The following CHLSN variants were observed in gnomAD, a reference collection of about 807,000 sequenced individuals.
The protein encoded by CHLSN is protein cholesin.
chr7:1,028,122 CG>C, the CHLSN span: 5 of 504,888 alleles, frequency 9.9e-6, no homozygotes, highest in Non-Finnish European at 1.3e-5. Context: ...CAGGGCGGAG[CG>C]GGGCCCGCAG....
chr7:1,131,077 G>C, the CHLSN span, among the ~76,000 whole-genome samples: 1 of 151,776 alleles, frequency 6.6e-6, no homozygotes, highest in Non-Finnish European at 1.5e-5. Flanking sequence ...TGTGGTCCCA[G>C]CTACTCAGGA....
chr7:1,078,271 T>C, the CHLSN span, among the ~76,000 whole-genome samples: 1 of 151,872 alleles, frequency 6.6e-6, no homozygotes, highest in African/African-American at 2.4e-5. Context: ...GGGTGCCCTA[T>C]AGTGGGCACG....
chr7:1,070,247 G>T, the CHLSN span, among the ~76,000 whole-genome samples: 78 of 140,330 alleles, frequency 5.6e-4, no homozygotes, highest in South Asian at 9.2e-4. Flanking sequence ...ACCCCGTCCG[G>T]GAGGGAGGTG....
At chr7:1,111,932 C>T in the CHLSN span, among the ~76,000 whole-genome samples, 1 of 152,306 alleles carries the variant, frequency 6.6e-6, no homozygotes, top group East Asian at 1.9e-4. Flanking sequence ...ACGTTAACCA[C>T]GGCGTCATTT....
the CHLSN span, among the ~76,000 whole-genome samples, chr7:1,030,211 C>T: frequency 2.6e-5 from 4 of 152,212 alleles, no homozygotes; most frequent in Middle Eastern, 6.8e-3. Flanking sequence ...TCTTCCCGAA[C>T]GCAACGACCC....
the CHLSN span, chr7:987,038 T>C: frequency 1.4e-6 from 2 of 1,430,812 alleles, no homozygotes; most frequent in Non-Finnish European, 1.8e-6. Context: ...AGCCCAGGGC[T>C]GGGCTGGGTC....
the CHLSN span, among the ~76,000 whole-genome samples, chr7:1,007,868 C>T: frequency 6.6e-6 from 1 of 152,082 alleles, no homozygotes; most frequent in Non-Finnish European, 1.5e-5. Flanking sequence ...GTGGGGTGCT[C>T]GGAGGGTGTG....
chr7:1,062,479 G>A, the CHLSN span, among the ~76,000 whole-genome samples: 2,638 of 152,232 alleles, frequency 0.017, 82 homozygotes, highest in African/African-American at 0.06. Flanking sequence ...ACACACGCCC[G>A]GCACGCAAAC....
chr7:988,558 C>T, the CHLSN span: 1 of 1,597,862 alleles, frequency 6.3e-7, no homozygotes, highest in Non-Finnish European at 8.5e-7. Context: ...TCCTGTGCTC[C>T]CCTGGGGAGG....
chr7:1,022,316 C>G, the CHLSN span, among the ~76,000 whole-genome samples: 1 of 152,310 alleles, frequency 6.6e-6, no homozygotes, highest in African/African-American at 2.4e-5. Context: ...CCCAGGGGTT[C>G]CAAGGTCAGG....
chr7:1,002,376 T>C, the CHLSN span, among the ~76,000 whole-genome samples: 13 of 100,074 alleles, frequency 1.3e-4, 1 homozygote, highest in South Asian at 4.1e-4. Flanking sequence ...TGGAGTCCTG[T>C]GGGTGGGGAG....
chr7:1,116,289 G>A, the CHLSN span, among the ~76,000 whole-genome samples: 27,560 of 137,312 alleles, frequency 0.2, 3,312 homozygotes, highest in Middle Eastern at 0.36. Flanking sequence ...GGCCCACGCA[G>A]GATGACATCA....
the CHLSN span, among the ~76,000 whole-genome samples, chr7:1,134,395 G>A: frequency 1.3e-5 from 2 of 151,248 alleles, no homozygotes; most frequent in African/African-American, 4.9e-5. Flanking sequence ...CCAATATGGT[G>A]AAACCCCATC....
chr7:1,132,178 C>T, the CHLSN span, among the ~76,000 whole-genome samples: 5 of 152,148 alleles, frequency 3.3e-5, no homozygotes, highest in African/African-American at 2.4e-5. Context: ...ACCAAAAACA[C>T]GTGGCAAAAG....
the CHLSN span, among the ~76,000 whole-genome samples, chr7:1,079,858 G>T: frequency 1.8e-4 from 27 of 152,266 alleles, no homozygotes; most frequent in African/African-American, 6.3e-4. Context: ...TCTCTGAAGG[G>T]TTGTTTAAGC....
chr7:1,131,031 T>C, the CHLSN span, among the ~76,000 whole-genome samples: 2 of 151,910 alleles, frequency 1.3e-5, no homozygotes, highest in Non-Finnish European at 2.9e-5. Flanking sequence ...CTACAAAACA[T>C]TTTTTAAAAA....
chr7:987,184 G>A, the CHLSN span: 1 of 1,558,578 alleles, frequency 6.4e-7, no homozygotes, highest in Non-Finnish European at 8.7e-7. Flanking sequence ...CCGGGACGGA[G>A]ACGACCTCGG....
chr7:1,124,731 A>T, the CHLSN span, among the ~76,000 whole-genome samples: 4 of 149,946 alleles, frequency 2.7e-5, no homozygotes, highest in South Asian at 4.2e-4. Context: ...AATAAAAAAA[A>T]TTTTAAAAAA....
At chr7:1,133,100 C>G in the CHLSN span, among the ~76,000 whole-genome samples, 3 of 152,108 alleles carry the variant, frequency 2.0e-5, no homozygotes, top group Non-Finnish European at 2.9e-5. Flanking sequence ...TACTATTCAG[C>G]CACCAGAGGA....
Sources: allele counts gnomAD v4.1 joint callset (sites outside exome capture counted in the v4.1 genomes callset), GRCh38; gene constraint gnomAD v4.1.1; transcripts MANE v1.5; gene names NCBI Gene and HGNC (gene_info 2026-07-23, HGNC 2026-07-21).